The following GALNT17 variants were observed in gnomAD, a reference collection of about 807,000 sequenced individuals.
The protein encoded by GALNT17 is UDP-GalNAc:polypeptide N-acetylgalactosaminyltransferase-like 3.
GALNT17 carries 29 observed loss-of-function variants against 63.7 expected under a neutral mutation model. The observed-to-expected ratio is 0.46, with a 90% CI of 0.34 to 0.62. The LOEUF is 0.62. GALNT17 is among the 20% of genes least tolerant of loss of function. The pLI, the probability that GALNT17 is intolerant of heterozygous loss-of-function variation, is 0.01. For missense variants in GALNT17, 603 were observed against 799.6 expected (o/e 0.75, Z 2.97); for synonymous variants, 305 against 318.3 (o/e 0.96, Z 0.45).
At chr7:71,176,469 G>A (rs1479146734) in intron 1 of GALNT17, among the ~76,000 whole-genome samples, 1 of 152,152 alleles carries the variant, frequency 6.6e-6, no homozygotes, top group Non-Finnish European at 1.5e-5. Flanking sequence ...GTGTCTCCAT[G>A]GCGGGGAGGC....
chr7:71,225,633 C>T (rs1789667151), intron 1 of GALNT17, among the ~76,000 whole-genome samples: 1 of 152,184 alleles, frequency 6.6e-6, no homozygotes, highest in Non-Finnish European at 1.5e-5. Flanking sequence ...GATGACGTAA[C>T]TTGTCGTTTG....
chr7:71,254,339 C>A (rs1336270871), intron 1 of GALNT17, among the ~76,000 whole-genome samples: 1 of 152,132 alleles, frequency 6.6e-6, no homozygotes, highest in Non-Finnish European at 1.5e-5. Context: ...TTACTTAATT[C>A]TCTCCTGGAT....
intron 6 of GALNT17, among the ~76,000 whole-genome samples, chr7:71,627,412 C>T (rs371534870): frequency 5.3e-5 from 8 of 152,106 alleles, no homozygotes; most frequent in Non-Finnish European, 7.4e-5. Context: ...GAGACAGACC[C>T]GGTCTCGAAA....
At chr7:71,563,572 GA>G (rs1347684770) in intron 5 of GALNT17, among the ~76,000 whole-genome samples, 2 of 152,108 alleles carry the variant, frequency 1.3e-5, no homozygotes, top group African/African-American at 2.4e-5. Context: ...TCCATGGGCA[GA>G]TATGTCTTTT....
intron 1 of GALNT17, among the ~76,000 whole-genome samples, chr7:71,184,939 ACTTC>A (rs1164312541): frequency 0.3 from 19,062 of 63,930 alleles, 2,850 homozygotes; most frequent in Middle Eastern, 0.36. Context: ...TCCCTTCCTC[ACTTC>A]CTTCCTTCCT....
intron 5 of GALNT17, among the ~76,000 whole-genome samples, chr7:71,481,239 G>A (rs955436696): frequency 6.6e-6 from 1 of 152,154 alleles, no homozygotes; most frequent in Non-Finnish European, 1.5e-5. Flanking sequence ...TTGAGGTCAG[G>A]AATTCGAGAC....
intron 1 of GALNT17, among the ~76,000 whole-genome samples, chr7:71,295,105 G>C (rs979838433): frequency 6.6e-6 from 1 of 152,142 alleles, no homozygotes; most frequent in Non-Finnish European, 1.5e-5. Context: ...ACAATGGGCC[G>C]AGGATACACT....
At chr7:71,182,160 A>G (rs1421851185) in intron 1 of GALNT17, among the ~76,000 whole-genome samples, 1 of 152,154 alleles carries the variant, frequency 6.6e-6, no homozygotes, top group Non-Finnish European at 1.5e-5. Flanking sequence ...GGGCATCAAG[A>G]GCGAAACTCC....
At chr7:71,573,256 C>A (rs868838149) in intron 6 of GALNT17, among the ~76,000 whole-genome samples, 6 of 151,964 alleles carry the variant, frequency 3.9e-5, no homozygotes, top group African/African-American at 1.4e-4. Flanking sequence ...CTGATCTTCC[C>A]GCCTCGGCCT....
chr7:71,555,776 G>A (rs1045471600), intron 5 of GALNT17, among the ~76,000 whole-genome samples: 3 of 152,178 alleles, frequency 2.0e-5, no homozygotes, highest in African/African-American at 7.2e-5. Flanking sequence ...TGAGCCCCAC[G>A]GCTTTGTCAC....
At chr7:71,496,006 T>A (rs561734417) in intron 5 of GALNT17, among the ~76,000 whole-genome samples, 1 of 152,284 alleles carries the variant, frequency 6.6e-6, no homozygotes, top group East Asian at 1.9e-4. Flanking sequence ...TTGCTGATAT[T>A]GAATGGCAAG....
At chr7:71,142,392 C>T (rs1266273352) in intron 1 of GALNT17, among the ~76,000 whole-genome samples, 1 of 152,176 alleles carries the variant, frequency 6.6e-6, no homozygotes, top group African/African-American at 2.4e-5. Flanking sequence ...ATCCCCTGCT[C>T]CTCCTCTTAC....
intron 6 of GALNT17, among the ~76,000 whole-genome samples, chr7:71,609,204 G>A (rs1413730717): frequency 4.6e-5 from 7 of 152,130 alleles, no homozygotes; most frequent in Non-Finnish European, 7.3e-5. Flanking sequence ...CTATTTCCCC[G>A]GCATTGGTTC....
At chr7:71,376,308 C>T (rs1054474699) in intron 2 of GALNT17, among the ~76,000 whole-genome samples, 1 of 149,260 alleles carries the variant, frequency 6.7e-6, no homozygotes, top group African/African-American at 2.5e-5. Context: ...TGTGCATGCA[C>T]AGGAGGATTT....
At chr7:71,473,828 C>T (rs1444784557) in intron 5 of GALNT17, among the ~76,000 whole-genome samples, 1 of 152,048 alleles carries the variant, frequency 6.6e-6, no homozygotes, top group Admixed American at 6.6e-5. Context: ...CTTATTGTTA[C>T]CAGAAAAAGT....
intron 5 of GALNT17, among the ~76,000 whole-genome samples, chr7:71,446,048 T>TA (rs1193786863): frequency 6.6e-6 from 1 of 152,210 alleles, no homozygotes; most frequent in Non-Finnish European, 1.5e-5. Context: ...GCTTAAATCT[T>TA]AAATTATATG....
intron 8 of GALNT17, among the ~76,000 whole-genome samples, chr7:71,672,167 A>AC (rs1791081085): frequency 6.6e-6 from 1 of 152,240 alleles, no homozygotes; most frequent in Non-Finnish European, 1.5e-5. Context: ...ATAAAGGAAG[A>AC]ATCAAACAAT....
intron 1 of GALNT17, among the ~76,000 whole-genome samples, chr7:71,216,415 A>G (rs948706803): frequency 2.0e-5 from 3 of 152,104 alleles, no homozygotes; most frequent in African/African-American, 7.2e-5. Flanking sequence ...GCCTCAGACC[A>G]CACTTTGAGA....
At chr7:71,218,702 G>C (rs1585889603) in intron 1 of GALNT17, among the ~76,000 whole-genome samples, 2 of 152,112 alleles carry the variant, frequency 1.3e-5, no homozygotes, top group African/African-American at 2.4e-5. Flanking sequence ...TCCACCTCCT[G>C]TCAGGCCAGT....
Sources: allele counts gnomAD v4.1 joint callset (sites outside exome capture counted in the v4.1 genomes callset), GRCh38; gene constraint gnomAD v4.1.1; transcripts MANE v1.5; gene names NCBI Gene and HGNC (gene_info 2026-07-23, HGNC 2026-07-21).